Variants in QTMAN observed in about 807,000 individuals in gnomAD.
QTMAN encodes the protein tRNA-queuosine alpha-mannosyltransferase.
At chr2:143,951,952 A>G in the QTMAN span, 1 of 1,050,070 alleles carries the variant, frequency 9.5e-7, no homozygotes, top group Admixed American at 1.9e-5. Context: ...TATGGCATTT[A>G]TACCATGTAA....
the QTMAN span, among the ~76,000 whole-genome samples, chr2:144,136,713 T>G: frequency 2.0e-5 from 3 of 152,220 alleles, no homozygotes; most frequent in East Asian, 5.8e-4. Context: ...CATCACATAC[T>G]CAGCACCATG....
the QTMAN span, among the ~76,000 whole-genome samples, chr2:144,202,766 G>T: frequency 6.6e-6 from 1 of 152,150 alleles, no homozygotes; most frequent in East Asian, 1.9e-4. Flanking sequence ...TATCCTAGAG[G>T]TCTTTAAAGC....
chr2:144,133,151 AATATAATATAAT>A, the QTMAN span, among the ~76,000 whole-genome samples: 2 of 51,394 alleles, frequency 3.9e-5, no homozygotes, highest in African/African-American at 1.8e-4. Flanking sequence ...ATATATATAT[AATATAATATAAT>A]ATATATATAA....
At chr2:143,944,301 A>G in the QTMAN span, 1 of 152,348 alleles carries the variant, frequency 6.6e-6, no homozygotes, top group East Asian at 1.9e-4. Flanking sequence ...ACACATTTAC[A>G]AAACTTTTTA....
chr2:144,322,727 G>C, the QTMAN span, among the ~76,000 whole-genome samples: 5 of 152,110 alleles, frequency 3.3e-5, no homozygotes, highest in Admixed American at 1.3e-4. Flanking sequence ...TTTCTTAAGG[G>C]TTAGTCGAAA....
the QTMAN span, among the ~76,000 whole-genome samples, chr2:143,986,699 A>T: frequency 6.6e-6 from 1 of 152,210 alleles, no homozygotes; most frequent in Non-Finnish European, 1.5e-5. Flanking sequence ...GAAAAGCAGG[A>T]CCTCTTTCAA....
chr2:144,268,494 G>A, the QTMAN span, among the ~76,000 whole-genome samples: 1 of 152,164 alleles, frequency 6.6e-6, no homozygotes, highest in African/African-American at 2.4e-5. Context: ...CTCTCTATGT[G>A]GCAATACAAT....
the QTMAN span, among the ~76,000 whole-genome samples, chr2:144,310,936 T>C: frequency 6.6e-6 from 1 of 152,128 alleles, no homozygotes; most frequent in Non-Finnish European, 1.5e-5. Flanking sequence ...TCACTGGATA[T>C]GATGGTATGT....
chr2:144,011,527 A>G, the QTMAN span: 1 of 606,712 alleles, frequency 1.6e-6, no homozygotes, highest in Non-Finnish European at 2.1e-6. Flanking sequence ...ACTAACAAGC[A>G]GTTTGCTTAA....
At chr2:144,199,464 TGTAG>T in the QTMAN span, among the ~76,000 whole-genome samples, 1 of 152,170 alleles carries the variant, frequency 6.6e-6, no homozygotes, top group Non-Finnish European at 1.5e-5. Context: ...TCCCATGTCC[TGTAG>T]AGAGAGATAG....
the QTMAN span, among the ~76,000 whole-genome samples, chr2:144,024,913 T>C: frequency 1.4e-4 from 22 of 152,104 alleles, no homozygotes; most frequent in African/African-American, 5.1e-4. Flanking sequence ...TTAGAAAGCA[T>C]CTGTGATAAC....
At chr2:143,939,401 A>G in the QTMAN span, 1 of 152,346 alleles carries the variant, frequency 6.6e-6, no homozygotes, top group Non-Finnish European at 1.5e-5. Flanking sequence ...GAGAGCGGCA[A>G]TAACTAGCTC....
chr2:144,227,574 T>C, the QTMAN span, among the ~76,000 whole-genome samples: 1 of 152,184 alleles, frequency 6.6e-6, no homozygotes, highest in African/African-American at 2.4e-5. Context: ...GTTCAACATG[T>C]AGGCACTGTG....
chr2:144,125,569 T>C, the QTMAN span, among the ~76,000 whole-genome samples: 1 of 152,056 alleles, frequency 6.6e-6, no homozygotes, highest in African/African-American at 2.4e-5. Context: ...TGTGCTGCAC[T>C]GTATAATTTG....
the QTMAN span, among the ~76,000 whole-genome samples, chr2:144,259,512 G>A: frequency 1.3e-4 from 20 of 152,078 alleles, no homozygotes; most frequent in African/African-American, 1.7e-4. Context: ...GGCAAAAACC[G>A]CAATGACTTT....
the QTMAN span, among the ~76,000 whole-genome samples, chr2:144,253,998 G>A: frequency 4.6e-5 from 7 of 152,230 alleles, no homozygotes; most frequent in Admixed American, 4.6e-4. Flanking sequence ...TTGGCGGCCT[G>A]TGTCCCAGCT....
the QTMAN span, among the ~76,000 whole-genome samples, chr2:144,250,178 CAGGCTGG>C: frequency 2.9e-4 from 44 of 151,240 alleles, no homozygotes; most frequent in African/African-American, 9.5e-4. Context: ...CTCTGTCGCC[CAGGCTGG>C]AGTGGAATGG....
the QTMAN span, among the ~76,000 whole-genome samples, chr2:144,307,188 T>TA: frequency 4.0e-3 from 323 of 81,206 alleles, 1 homozygote; most frequent in Non-Finnish European, 4.7e-3. Context: ...AAAAAACAAT[T>TA]AAAAAAAAAA....
At chr2:144,076,366 CCTGAGGTGCA>C in the QTMAN span, among the ~76,000 whole-genome samples, 1 of 152,176 alleles carries the variant, frequency 6.6e-6, no homozygotes, top group Non-Finnish European at 1.5e-5. Flanking sequence ...GTGGTGTTCA[CCTGAGGTGCA>C]CAGTCCCAAA....
Sources: gnomAD v4.1 joint callset for allele counts (sites outside exome capture counted in the v4.1 genomes callset) on GRCh38, gnomAD v4.1.1 for gene constraint, MANE v1.5 for transcripts, NCBI Gene and HGNC (gene_info 2026-07-23, HGNC 2026-07-21) for gene names.